Variants in SENP1 observed in about 807,000 individuals in gnomAD.
The protein encoded by SENP1 is SUMO specific peptidase 1, also known as sentrin-specific protease 1.
In SENP1, 21 loss-of-function variants were observed where a neutral mutation model predicts 93.0. That is an observed-to-expected ratio of 0.23 (90% CI 0.16 to 0.33). The LOEUF is 0.33. SENP1 is among the 10% of genes least tolerant of loss of function. SENP1 has a pLI of 1.00. For synonymous variants in SENP1, 256 were observed against 259.6 expected (o/e 0.99, Z 0.13); for missense variants, 591 against 758.7 (o/e 0.78, Z 2.60).
intron 13 of SENP1, among the ~76,000 whole-genome samples, chr12:48,053,620 G>A (rs1026562724): frequency 6.6e-6 from 1 of 152,026 alleles, no homozygotes; most frequent in East Asian, 1.9e-4. Context: ...AATCAAGTAA[G>A]AATATGCTCT....
chr12:48,070,377 A>G (rs990486171), intron 9 of SENP1, among the ~76,000 whole-genome samples: 5 of 152,086 alleles, frequency 3.3e-5, no homozygotes, highest in Non-Finnish European at 5.9e-5. Flanking sequence ...CCTACTCTAT[A>G]TATTACCCTG....
In SENP1 at chr12:48,043,468, A is replaced by G. The variant is rs1259791918; in HGVS notation, c.*1854T>C. On this transcript the variant is annotated 3_prime_UTR_variant, in exon 18 of 18. Transcript: ENST00000549518. Reference sequence around the variant, plus strand: ...ACCTTTCAAGTTGTTGCTTACATACAGTAAATACCAAGAACCAGACAATAT... The same window carrying G: ...ACCTTTCAAGTTGTTGCTTACATACGGTAAATACCAAGAACCAGACAATAT... 1 of 152,672 alleles carries G rather than the reference A, an allele frequency of 6.5e-6. No individual in the cohort carries two copies. The highest frequency in any genetic ancestry group is 1.5e-5 in the Non-Finnish European group (1 of 68,046). 9.5% of individuals were successfully genotyped at this position (152,672 alleles called of 1,614,324 possible). A position where few individuals can be genotyped will look rare whatever the true frequency, so the allele number is the denominator to read the frequency against.
intron 6 of SENP1, chr12:48,081,208 G>C (rs1462927018): frequency 6.6e-6 from 1 of 152,094 alleles, no homozygotes; most frequent in Non-Finnish European, 1.5e-5. Flanking sequence ...AGGCTGTCTA[G>C]AATCCAGCAT....
Position 48,058,843 on chromosome 12 carries a change from T to C in SENP1, c.1407+4867A>G, listed in dbSNP as rs569976318. Among the ~76,000 whole-genome samples, 6 of 152,276 alleles carry C rather than the reference T, an allele frequency of 3.9e-5. No individual in the cohort carries two copies. In the South Asian group the frequency reaches 1.2e-3, roughly 32 times the overall value. ...CTGGTACAGGTCTGTTGGTGATGCATTTGTTTGTCTGGAAAAGTACAGCCT... is the reference window on the plus strand; with the variant it reads ...CTGGTACAGGTCTGTTGGTGATGCACTTGTTTGTCTGGAAAAGTACAGCCT... On this transcript the variant is annotated intron_variant, in intron 13 of 17. Transcript: ENST00000549518.
At chr12:48,079,050 CAA>C (rs1416131809) in intron 6 of SENP1, among the ~76,000 whole-genome samples, 2 of 151,954 alleles carry the variant, frequency 1.3e-5, no homozygotes, top group Non-Finnish European at 2.9e-5. Flanking sequence ...ACTCAGAAGG[CAA>C]AAGAGGGAGT....
chr12:48,096,245 G>T, intron 4 of SENP1, 98 bp downstream of exon 4: 2 of 637,576 alleles, frequency 3.1e-6, no homozygotes, highest in Non-Finnish European at 5.4e-6. Context: ...TCTTGTTTTT[G>T]ACAATGTTTT....
In SENP1 at chr12:48,074,443, G is replaced by A; in HGVS notation, c.821C>T (p.Ser274Phe). 6.2e-7 allele frequency: 1 copy of A among 1,613,932 alleles called. No homozygotes were observed. The highest frequency in any genetic ancestry group is 8.5e-7 in the Non-Finnish European group (1 of 1,179,828). Reference sequence around the variant, plus strand: ...TCCAAATGCAACATCTGGGGTATAAGAAGATAGGGAATATACACTGTGGGA... The same window carrying A: ...TCCAAATGCAACATCTGGGGTATAAAAAGATAGGGAATATACACTGTGGGA... ...QLSHSVYSLSSYTPDVAFGSK... is the reference protein window; with the variant it reads ...QLSHSVYSLSFYTPDVAFGSK... The change falls in exon 8 of 18, where the codon TCT (serine) becomes TTT (phenylalanine). Residue 274 changes from serine (S) to phenylalanine (F), a missense_variant. Ser to Phe is a radical substitution (Grantham distance 155). Coordinates refer to ENST00000549518, the MANE Select transcript of SENP1 (RefSeq NM_001267594.2).
chr12:48,068,053 T>C (rs1232071398), intron 9 of SENP1, among the ~76,000 whole-genome samples: 1 of 152,108 alleles, frequency 6.6e-6, no homozygotes, highest in Non-Finnish European at 1.5e-5. Flanking sequence ...ATTTTTATTT[T>C]AGTAGAGACG....
At chr12:48,081,570 G>GTTTTTTTTTTTT in intron 6 of SENP1, 1 of 119,334 alleles carries the variant, frequency 8.4e-6, no homozygotes, top group Admixed American at 9.4e-5. Flanking sequence ...GTGTTTTTTC[G>GTTTTTTTTTTTT]TTTTTTTTTT....
At chr12:48,094,920 C>T (rs1412955505) in intron 4 of SENP1, among the ~76,000 whole-genome samples, 2 of 152,126 alleles carry the variant, frequency 1.3e-5, no homozygotes, top group Non-Finnish European at 2.9e-5. Context: ...TGTTCCTCCA[C>T]CATTAATATT....
intron 9 of SENP1, 59 bp downstream of exon 9, chr12:48,071,608 T>A: frequency 8.2e-7 from 1 of 1,215,662 alleles, no homozygotes; most frequent in Non-Finnish European, 1.2e-6. Context: ...AGAGCGAGAC[T>A]CCGTCTCAAA....
At chr12:48,100,986 C>G (rs1339169519) in intron 2 of SENP1, among the ~76,000 whole-genome samples, 1 of 152,146 alleles carries the variant, frequency 6.6e-6, no homozygotes, top group Non-Finnish European at 1.5e-5. Context: ...AATGTTCTAA[C>G]CAAAAGATAA....
At position 48,086,136 on chromosome 12, in the gene SENP1, A is replaced by G. The variant is rs375945891; in HGVS notation, c.381-2374T>C. 7.2e-4 allele frequency among the ~76,000 whole-genome samples: 109 copies of G among 152,320 alleles called. No homozygotes were observed. In the South Asian group the frequency reaches 0.023, roughly 32 times the overall value. The stretch of plus-strand genomic sequence containing the variant: ...TACTGAATCCATAATGACACTAAAA[A>G]AGGAACAGACAAATTCATTTGAAAC... On this transcript the variant is annotated intron_variant, in intron 5 of 17. Coordinates refer to ENST00000549518, the MANE Select transcript of SENP1 (RefSeq NM_001267594.2).
intron 10 of SENP1, among the ~76,000 whole-genome samples, chr12:48,065,923 A>C (rs899251218): frequency 3.9e-5 from 6 of 152,120 alleles, no homozygotes; most frequent in Non-Finnish European, 8.8e-5. Context: ...GGCTAGTCTC[A>C]AACTCCTGGG....
intron 6 of SENP1, among the ~76,000 whole-genome samples, chr12:48,083,372 A>T (rs566298948): frequency 1.1e-4 from 16 of 152,224 alleles, no homozygotes; most frequent in Admixed American, 3.9e-4. Context: ...GCAGGCATAG[A>T]AGATATAATA....
At chr12:48,102,709 G>C (rs1946033813) in intron 1 of SENP1, among the ~76,000 whole-genome samples, 1 of 149,366 alleles carries the variant, frequency 6.7e-6, no homozygotes, top group South Asian at 2.1e-4. Context: ...TCACAATAAT[G>C]AAAGTCACAC....
intron 13 of SENP1, among the ~76,000 whole-genome samples, chr12:48,051,118 T>G (rs941188460): frequency 9.2e-5 from 14 of 151,602 alleles, no homozygotes; most frequent in African/African-American, 3.4e-4. Flanking sequence ...ATGAGTGTCA[T>G]GCTATACATC....
rs1247921184 is a variant in SENP1, at chr12:48,048,091, G to A, written c.1612-11C>T. 2 of 1,556,766 alleles carry A rather than the reference G, an allele frequency of 1.3e-6. No individual in the cohort carries two copies. The highest frequency in any genetic ancestry group is 1.1e-5 in the South Asian group (1 of 89,338). ...TCTAAAGTCCACAACCTGAGAATAA[G>A]AAAAAAAGTCTCTGTGTTTATGAGA... On this transcript the variant is annotated splice_polypyrimidine_tract_variant and intron_variant, in intron 14 of 17. Transcript: ENST00000549518.
intron 5 of SENP1, chr12:48,088,555 A>G: frequency 2.1e-6 from 1 of 469,134 alleles, no homozygotes; most frequent in Non-Finnish European, 3.8e-6. Context: ...AAGGCTCCCA[A>G]TATTCTCATA....
Sources: allele counts gnomAD v4.1 joint callset (sites outside exome capture counted in the v4.1 genomes callset), GRCh38; gene constraint gnomAD v4.1.1; transcripts MANE v1.5; gene names NCBI Gene and HGNC (gene_info 2026-07-23, HGNC 2026-07-21).